DNAH10: variants seen among roughly 807,000 people sequenced by gnomAD.
DNAH10 encodes dynein axonemal heavy chain 10.
A neutral mutation model predicts 506.6 loss-of-function variants in DNAH10; 348 were observed. That is an observed-to-expected ratio of 0.69 (90% CI 0.63 to 0.75). The LOEUF (loss-of-function observed/expected upper bound fraction) is 0.75. Among genes scored for constraint, DNAH10 ranks in the 30% least tolerant of loss-of-function variants. The probability of loss-of-function intolerance (pLI) is 0.00; values close to 1 mark genes in which losing one functional copy is unlikely to be tolerated. For synonymous variants in DNAH10, 2,059 were observed against 2,198.6 expected, an observed-to-expected ratio of 0.94 and a Z score of 1.78; for missense variants, 5,179 against 5,787.1, an observed-to-expected ratio of 0.89 and a Z score of 3.41.
chr12:123,821,996 A>G (rs1959460936), intron 24 of DNAH10, among the ~76,000 whole-genome samples: 1 of 152,212 alleles, frequency 6.6e-6, no homozygotes, highest in Admixed American at 6.5e-5. Flanking sequence ...ACTTGAGGCC[A>G]GGAGTTCGAG....
chr12:123,876,117 C>T lies in DNAH10; in HGVS notation c.8199+626C>T, dbSNP rs567786362. On this transcript the variant is annotated intron_variant, in intron 47 of 78. Coordinates refer to ENST00000673944, the MANE Select transcript of DNAH10 (RefSeq NM_001372106.1). Reference sequence around the variant, plus strand: ...CCTGCTAAAGCGGAGTCTGCACACTCGGAGGCTCCAGGGGCCAGGTGGGTA... The same window carrying T: ...CCTGCTAAAGCGGAGTCTGCACACTTGGAGGCTCCAGGGGCCAGGTGGGTA... Among the ~76,000 whole-genome samples, 5 of 152,248 alleles carry T rather than the reference C, an allele frequency of 3.3e-5. No individual in the cohort carries two copies. The East Asian group carries it at 5.8e-4, about 18-fold the overall frequency.
In DNAH10 at chr12:123,800,421, G is replaced by C. The variant is rs1424465164; in HGVS notation, c.2462+33G>C. 3.1e-6 allele frequency: 5 copies of C among 1,601,546 alleles called. No homozygotes were observed. The East Asian group carries it at 8.9e-5, about 29-fold the overall frequency. On this transcript the variant is annotated intron_variant, in intron 15 of 78. Transcript: ENST00000673944. ...AATTCTTCTTTTAAATTAGCAGTAA[G>C]CTTTTTGTTCTTGGGACCCCTTTAC...
intron 15 of DNAH10, among the ~76,000 whole-genome samples, chr12:123,800,887 C>T (rs1565919269): frequency 2.0e-5 from 3 of 150,636 alleles, no homozygotes; most frequent in Admixed American, 6.6e-5. Context: ...CATGGTGGCT[C>T]ATGCCTGTAG....
At chr12:123,798,104 C>A (rs1458830380) in intron 13 of DNAH10, among the ~76,000 whole-genome samples, 1 of 152,230 alleles carries the variant, frequency 6.6e-6, no homozygotes, top group Non-Finnish European at 1.5e-5. Flanking sequence ...TAAATCATTT[C>A]CTTCTCTTCA....
Position 123,833,269 on chromosome 12 carries a change from A to G in DNAH10, c.4701A>G (p.Gly1567=). The change falls in exon 27 of 79, where the codon GGA becomes GGG. Residue 1567 remains glycine (G), a synonymous_variant. Transcript: ENST00000673944. The part of the protein sequence containing the change: ...DNTFNLQSIS[G]SRFVGPFLQT... ...CTTTCAACCTGCAGAGCATCTCAGG[A>G]AGCAGATTTGTGGGGCCTTTTCTGC... is the stretch of plus-strand genomic sequence containing the variant. 1.2e-6 allele frequency: 2 copies of G among 1,613,880 alleles called. No individual in the cohort carries two copies. Among genetic ancestry groups the G allele is most frequent in the Non-Finnish European group, 1.7e-6 (2 of 1,179,840 alleles).
intron 24 of DNAH10, among the ~76,000 whole-genome samples, chr12:123,821,019 G>A (rs138840225): frequency 0.018 from 2,684 of 152,270 alleles, 90 homozygotes; most frequent in African/African-American, 0.061. Flanking sequence ...GGAGGCCAAG[G>A]CGGGTGCATC....
At chr12:123,855,633 C>CAAAA (rs34517744) in intron 36 of DNAH10, among the ~76,000 whole-genome samples, 1 of 102,100 alleles carries the variant, frequency 9.8e-6, no homozygotes, top group Admixed American at 1.1e-4. Flanking sequence ...GACCCTGTCT[C>CAAAA]AAAAAAAAAA....
Position 123,796,766 on chromosome 12 carries a change from G to T in DNAH10, c.2097G>T (p.Arg699=). 6.2e-7 allele frequency: 1 copy of T among 1,614,148 alleles called. No individual in the cohort carries two copies. The highest frequency in any genetic ancestry group is 8.5e-7 in the Non-Finnish European group (1 of 1,180,028). Residue 699 remains arginine (R), a synonymous_variant, in exon 13 of 79, where the codon CGG becomes CGT. Coordinates refer to ENST00000673944, the MANE Select transcript of DNAH10 (RefSeq NM_001372106.1). ...AIYWERSLFF[R]IKHTILRFQE... is the part of the protein sequence containing the mutation. The stretch of plus-strand genomic sequence containing the variant: ...ACTGGGAACGATCTCTGTTCTTTCG[G>T]ATTAAGCATACCATCCTCCGATTTC...
intron 69 of DNAH10, chr12:123,927,275 T>C (rs1954989818): frequency 5.5e-6 from 1 of 181,456 alleles, no homozygotes; most frequent in Admixed American, 6.3e-5. Flanking sequence ...CTGGCTGGTC[T>C]TGAACTCCTG....
At position 123,785,138 on chromosome 12, in the gene DNAH10, TTAA is replaced by T. The variant is rs1957800404; in HGVS notation, c.1231-607_1231-605del. 1.3e-5 allele frequency among the ~76,000 whole-genome samples: 2 copies of T among 152,240 alleles called. No individual in the cohort carries two copies. The highest frequency in any genetic ancestry group is 2.9e-5 in the Non-Finnish European group (2 of 68,046). ...TAGCTGGGTCATATATGGTAACTGT[TTAA>T]CCTCTTGAGGAATTTCTAGACTGTT... On this transcript the variant is annotated intron_variant, in intron 8 of 78. Transcript: ENST00000673944. The surrounding 1 kb of genome is among the most constrained non-coding windows in gnomAD (Gnocchi z 4.1).
chr12:123,776,739 G>T (rs976235806), intron 5 of DNAH10, among the ~76,000 whole-genome samples: 3 of 152,230 alleles, frequency 2.0e-5, no homozygotes, highest in African/African-American at 7.2e-5. Context: ...CGTGAAGCAG[G>T]ATGTATGAAT....
intron 4 of DNAH10, 118 bp downstream of exon 4, chr12:123,773,060 T>C: frequency 1.5e-6 from 1 of 687,308 alleles, no homozygotes. Context: ...CAAGCTCTCT[T>C]TCTTTTCCAT....
At chr12:123,812,918 A>G (rs1160970046) in intron 19 of DNAH10, among the ~76,000 whole-genome samples, 1 of 152,220 alleles carries the variant, frequency 6.6e-6, no homozygotes, top group Non-Finnish European at 1.5e-5. Flanking sequence ...TTGAATTTGC[A>G]TAATACCATG....
chr12:123,805,773 CTTT>C (rs779610748), intron 18 of DNAH10, among the ~76,000 whole-genome samples: 7 of 138,690 alleles, frequency 5.0e-5, no homozygotes, highest in Admixed American at 2.2e-4. Flanking sequence ...CTCTTCTTTT[CTTT>C]TTTTTTTTTT....
chr12:123,818,019 G>T (rs975532841), intron 21 of DNAH10, among the ~76,000 whole-genome samples: 1 of 150,556 alleles, frequency 6.6e-6, no homozygotes, highest in African/African-American at 2.4e-5. Context: ...CACAATCTTG[G>T]CTCACTGCAA....
intron 67 of DNAH10, 64 bp downstream of exon 67, chr12:123,924,496 C>A: frequency 6.3e-7 from 1 of 1,579,634 alleles, no homozygotes; most frequent in Non-Finnish European, 8.6e-7. Context: ...CAAACCTCAA[C>A]TGTGGCCCAA....
Position 123,772,660 on chromosome 12 carries a change from G to C in DNAH10, c.397-174G>C, listed in dbSNP as rs140570107. ...AGTCAGGCTGACAGCTCAGAGTCTG[G>C]GTGCATTTAGCTCCTGTGTTTGGCT... On this transcript the variant is annotated intron_variant, in intron 3 of 78. Coordinates refer to ENST00000673944, the MANE Select transcript of DNAH10 (RefSeq NM_001372106.1). Among the ~76,000 whole-genome samples the C allele has an allele frequency of 2.1e-3, 314 of 152,282 alleles. 1 individual carries two copies. Among genetic ancestry groups the C allele is most frequent in the African/African-American group, 7.3e-3 (302 of 41,548 alleles).
Position 123,762,492 on chromosome 12 carries a change from G to A in DNAH10, c.156G>A (p.Gly52=). The change falls in exon 1 of 79, where the codon GGG becomes GGA. Residue 52 remains glycine, a synonymous_variant. Coordinates refer to ENST00000673944, the MANE Select transcript of DNAH10 (RefSeq NM_001372106.1). This position sits in a 1 kb window ranked among gnomAD's most constrained non-coding sequence, Gnocchi z 5.0. ...HFLNQASEEE[G]PSALFIYRTM... ...TCAACCAGGCGAGCGAGGAGGAGGG[G>A]CCCTCGGCGCTCTTCATCTACCGCA... 2.0e-6 allele frequency: 3 copies of A among 1,525,914 alleles called. No homozygotes were observed. The highest frequency in any genetic ancestry group is 1.2e-5 in the South Asian group (1 of 81,160). The allele number at this position is 1,525,914 out of a possible 1,614,324, so 94.5% of individuals were successfully genotyped here. A position where few individuals can be genotyped will look rare whatever the true frequency, so the allele number is the denominator to read the frequency against.
chr12:123,921,691 G>GTTTTTTTTTT lies in DNAH10; in HGVS notation c.11507-2041_11507-2032dup, dbSNP rs35553163. Among the ~76,000 whole-genome samples, 20 of 62,882 alleles carry GTTTTTTTTTT rather than the reference G, an allele frequency of 3.2e-4. 2 individuals carry two copies. The highest frequency in any genetic ancestry group is 8.7e-4 in the South Asian group (1 of 1,156). The allele number at this position is 62,882 out of a possible 152,430, so 41.3% of individuals were successfully genotyped here. ...CTTGTCCATCTGTCTGTAGCTTGCA[G>GTTTTTTTTTT]TTTTTTTTTTTTTTTTTTTTTTTTT... On this transcript the variant is annotated intron_variant, in intron 65 of 78. Transcript: ENST00000673944.
Sources: gnomAD v4.1 joint callset for allele counts (sites outside exome capture counted in the v4.1 genomes callset) on GRCh38, gnomAD v4.1.1 for gene constraint, Gnocchi (gnomAD v3.1) non-coding constraint, MANE v1.5 for transcripts, NCBI Gene and HGNC (gene_info 2026-07-23, HGNC 2026-07-21) for gene names.